DSCAM: variants seen among roughly 807,000 people sequenced by gnomAD.
DSCAM encodes DS cell adhesion molecule, also known as cell adhesion molecule DSCAM.
Under a neutral mutation model 217.7 loss-of-function variants are expected in DSCAM, and 47 were observed. The observed-to-expected ratio is 0.22, with a 90% CI of 0.17 to 0.28. The LOEUF is 0.28. Among genes scored for constraint, DSCAM ranks in the 10% least tolerant of loss-of-function variants. The pLI, the probability that DSCAM is intolerant of heterozygous loss-of-function variation, is 1.00. For synonymous variants in DSCAM, 1,056 were observed against 1,015.3 expected, an observed-to-expected ratio of 1.04 and a Z score of -0.76; for missense variants, 2,080 against 2,618.3, an observed-to-expected ratio of 0.79 and a Z score of 4.49.
chr21:40,572,446 A>C (rs951166410), intron 3 of DSCAM, among the ~76,000 whole-genome samples: 2 of 152,198 alleles, frequency 1.3e-5, no homozygotes, highest in African/African-American at 2.4e-5. Context: ...AATTACATTA[A>C]ATATAAATGA....
chr21:40,648,098 G>T (rs77359680), intron 3 of DSCAM, among the ~76,000 whole-genome samples: 1 of 130,754 alleles, frequency 7.6e-6, no homozygotes, highest in Non-Finnish European at 1.7e-5. Context: ...TGCAAAATTT[G>T]GAAAAGTAAA....
intron 3 of DSCAM, among the ~76,000 whole-genome samples, chr21:40,536,793 G>C (rs991960389): frequency 4.6e-5 from 7 of 152,160 alleles, no homozygotes; most frequent in African/African-American, 7.2e-5. Flanking sequence ...CAGAAATACA[G>C]TTTTGGGATG....
intron 3 of DSCAM, among the ~76,000 whole-genome samples, chr21:40,597,917 T>C (rs960477191): frequency 6.6e-6 from 1 of 152,220 alleles, no homozygotes; most frequent in East Asian, 1.9e-4. Context: ...TCCTATATTA[T>C]GAACATCTTG....
At chr21:40,836,109 C>T (rs1373733406) in intron 1 of DSCAM, among the ~76,000 whole-genome samples, 1 of 152,176 alleles carries the variant, frequency 6.6e-6, no homozygotes, top group East Asian at 1.9e-4. Flanking sequence ...GATCCACTCT[C>T]CTGCCCTGTC....
intron 18 of DSCAM, 105 bp downstream of exon 18, chr21:40,142,453 G>T: frequency 1.6e-6 from 2 of 1,269,194 alleles, no homozygotes; most frequent in East Asian, 2.3e-5. Flanking sequence ...TGATAAAGAG[G>T]TGCCCGCCAT....
chr21:40,785,873 T>C (rs142058445), intron 1 of DSCAM, among the ~76,000 whole-genome samples: 148 of 152,356 alleles, frequency 9.7e-4, no homozygotes, highest in African/African-American at 2.6e-3. Context: ...CCTTTCCACA[T>C]ACTCCCATCA....
At chr21:40,128,759 T>C (rs2090124004) in intron 19 of DSCAM, among the ~76,000 whole-genome samples, 1 of 150,120 alleles carries the variant, frequency 6.7e-6, no homozygotes, top group Admixed American at 6.6e-5. Flanking sequence ...TGACCTCAGA[T>C]GAGGGCACAG....
chr21:40,534,487 A>C (rs1465761870), intron 3 of DSCAM, among the ~76,000 whole-genome samples: 1 of 152,200 alleles, frequency 6.6e-6, no homozygotes, highest in African/African-American at 2.4e-5. Flanking sequence ...CTTCCTGCAC[A>C]AAGGGTAGAC....
rs1311313287 is a variant in DSCAM, at chr21:40,101,572, T to C, written c.3697-7698A>G. ...TCCCATAAGAAGCATGCAGTATAGGTCCCTAGTATTAGTCCGTAGCCCGGG... is the reference window on the plus strand; with the variant it reads ...TCCCATAAGAAGCATGCAGTATAGGCCCCTAGTATTAGTCCGTAGCCCGGG... On this transcript the variant is annotated intron_variant, in intron 20 of 32. Transcript: ENST00000400454. 3.9e-5 allele frequency among the ~76,000 whole-genome samples: 6 copies of C among 152,036 alleles called. No homozygotes were observed. In the East Asian group the frequency reaches 9.7e-4, roughly 25 times the overall value.
At chr21:40,230,896 T>C (rs1345750007) in intron 11 of DSCAM, among the ~76,000 whole-genome samples, 3 of 152,060 alleles carry the variant, frequency 2.0e-5, no homozygotes, top group African/African-American at 7.2e-5. Context: ...TCCAAGTGTC[T>C]GCCTCTCTTC....
At chr21:40,382,399 A>G (rs2075035519) in intron 3 of DSCAM, among the ~76,000 whole-genome samples, 1 of 152,008 alleles carries the variant, frequency 6.6e-6, no homozygotes, top group Non-Finnish European at 1.5e-5. Context: ...ATTTTTTCCC[A>G]CCTCAAACAC....
At chr21:40,322,054 T>C (rs1007240258) in intron 8 of DSCAM, among the ~76,000 whole-genome samples, 1 of 152,214 alleles carries the variant, frequency 6.6e-6, no homozygotes, top group African/African-American at 2.4e-5. Context: ...ATTAGATAAA[T>C]GTCCACTTCC....
intron 3 of DSCAM, among the ~76,000 whole-genome samples, chr21:40,592,490 T>G (rs1287372687): frequency 6.6e-6 from 1 of 152,186 alleles, no homozygotes; most frequent in Non-Finnish European, 1.5e-5. Flanking sequence ...TTTTAAGGTG[T>G]AGTGGTTTCA....
intron 3 of DSCAM, among the ~76,000 whole-genome samples, chr21:40,660,765 T>G (rs2090130227): frequency 6.6e-6 from 1 of 152,220 alleles, no homozygotes; most frequent in African/African-American, 2.4e-5. Flanking sequence ...TAAGAATCCC[T>G]CTGCCATTAT....
At chr21:40,449,198 A>G (rs892143410) in intron 3 of DSCAM, among the ~76,000 whole-genome samples, 1 of 152,138 alleles carries the variant, frequency 6.6e-6, no homozygotes, top group African/African-American at 2.4e-5. Context: ...CCACCTGGAT[A>G]ATAGAGGATA....
chr21:40,138,619 T>C (rs1287813887), intron 18 of DSCAM, among the ~76,000 whole-genome samples: 1 of 133,364 alleles, frequency 7.5e-6, no homozygotes, highest in Non-Finnish European at 1.6e-5. Flanking sequence ...GTGTGGTGAG[T>C]GTGTGGTGTA....
intron 3 of DSCAM, among the ~76,000 whole-genome samples, chr21:40,498,671 A>G (rs1402167168): frequency 1.2e-4 from 1 of 8,038 alleles, no homozygotes; most frequent in Non-Finnish European, 2.9e-4. Context: ...ATATACCCAT[A>G]TATATATATA....
chr21:40,358,182 T>C (rs990913602), intron 4 of DSCAM, among the ~76,000 whole-genome samples: 1 of 152,202 alleles, frequency 6.6e-6, no homozygotes, highest in Non-Finnish European at 1.5e-5. Context: ...AAATCAACTC[T>C]CAATGACTGC....
chr21:40,275,116 G>T (rs954034675), intron 11 of DSCAM, among the ~76,000 whole-genome samples: 1 of 151,868 alleles, frequency 6.6e-6, no homozygotes, highest in African/African-American at 2.4e-5. Context: ...CTTGAGGGAA[G>T]GAGCTTGAGA....
Sources: gnomAD v4.1 joint callset for allele counts (sites outside exome capture counted in the v4.1 genomes callset) on GRCh38, gnomAD v4.1.1 for gene constraint, MANE v1.5 for transcripts, NCBI Gene and HGNC (gene_info 2026-07-23, HGNC 2026-07-21) for gene names.